Variants in JAZF1 observed in about 807,000 individuals in gnomAD.
The protein encoded by JAZF1 is juxtaposed with another zinc finger protein 1.
A neutral mutation model predicts 26.4 loss-of-function variants in JAZF1; 8 were observed. The observed-to-expected ratio is 0.30, with a 90% CI of 0.18 to 0.55. The LOEUF (loss-of-function observed/expected upper bound fraction) is 0.55, where lower values mean the gene tolerates loss of function less well. Among genes scored for constraint, JAZF1 ranks in the 20% least tolerant of loss-of-function variants. The pLI, the probability that JAZF1 is intolerant of heterozygous loss-of-function variation, is 0.94. For synonymous variants in JAZF1, 126 were observed against 122.3 expected (o/e 1.03, Z -0.20); for missense variants, 199 against 322.0 (o/e 0.62, Z 2.92).
intron 1 of JAZF1, among the ~76,000 whole-genome samples, chr7:28,012,373 T>C (rs1041686380): frequency 1.3e-5 from 2 of 152,124 alleles, no homozygotes; most frequent in African/African-American, 4.8e-5. Context: ...TCTCCCTACC[T>C]GACCTTCTGA....
At chr7:28,016,803 A>AT (rs1782901656) in intron 1 of JAZF1, among the ~76,000 whole-genome samples, 1 of 152,212 alleles carries the variant, frequency 6.6e-6, no homozygotes, top group African/African-American at 2.4e-5. Flanking sequence ...TGTATCATTC[A>AT]TTCTTTCATT....
At chr7:28,156,860 T>C (rs1434044590) in intron 1 of JAZF1, among the ~76,000 whole-genome samples, 1 of 152,240 alleles carries the variant, frequency 6.6e-6, no homozygotes, top group African/African-American at 2.4e-5. Context: ...GAAATCATTC[T>C]TATGAGACAG....
chr7:28,080,344 A>G (rs1784115144), intron 1 of JAZF1, among the ~76,000 whole-genome samples: 3 of 152,240 alleles, frequency 2.0e-5, no homozygotes, highest in Admixed American at 2.0e-4. Context: ...TCCATCCAGA[A>G]CACTCAGACT....
intron 3 of JAZF1, among the ~76,000 whole-genome samples, chr7:27,854,291 C>T (rs896137487): frequency 2.0e-5 from 3 of 152,326 alleles, no homozygotes; most frequent in African/African-American, 7.2e-5. Context: ...CTCCCGAATA[C>T]AGTACACCAA....
chr7:28,003,336 T>C (rs1338630345), intron 1 of JAZF1, among the ~76,000 whole-genome samples: 1 of 152,110 alleles, frequency 6.6e-6, no homozygotes, highest in Non-Finnish European at 1.5e-5. Context: ...TAAACAGGAA[T>C]GGTTAAAGAC....
chr7:27,993,118 G>A (rs1044665880), intron 1 of JAZF1, among the ~76,000 whole-genome samples: 17 of 152,222 alleles, frequency 1.1e-4, no homozygotes, highest in African/African-American at 3.9e-4. Context: ...TATTCGTGGT[G>A]TTAAAATTAA....
At chr7:27,847,150 T>G (rs1349802599) in intron 3 of JAZF1, among the ~76,000 whole-genome samples, 1 of 137,312 alleles carries the variant, frequency 7.3e-6, no homozygotes, top group East Asian at 2.0e-4. Flanking sequence ...TGGCTTTTTT[T>G]CTTTTTTTTT....
chr7:27,847,993 G>A (rs1783059884), intron 3 of JAZF1, among the ~76,000 whole-genome samples: 1 of 152,140 alleles, frequency 6.6e-6, no homozygotes, highest in Admixed American at 6.6e-5. Context: ...AGCAGGAACT[G>A]TGATGCCTCC....
intron 1 of JAZF1, among the ~76,000 whole-genome samples, chr7:28,001,020 G>A (rs757972617): frequency 4.6e-5 from 7 of 152,088 alleles, no homozygotes; most frequent in Non-Finnish European, 8.8e-5. Context: ...TAAGTCAGTA[G>A]GTTCACAATT....
chr7:27,892,075 A>G (rs1257194575), intron 3 of JAZF1, among the ~76,000 whole-genome samples: 2 of 152,226 alleles, frequency 1.3e-5, no homozygotes, highest in East Asian at 3.8e-4. Flanking sequence ...GGAATTTTAT[A>G]ACCTGGCAAT....
intron 1 of JAZF1, among the ~76,000 whole-genome samples, chr7:28,095,330 G>A (rs1486409942): frequency 2.0e-5 from 3 of 152,134 alleles, no homozygotes; most frequent in Non-Finnish European, 4.4e-5. Context: ...CATTATCGGG[G>A]AGGCCTCAGG....
chr7:27,973,990 G>T (rs1444685144), intron 2 of JAZF1, among the ~76,000 whole-genome samples: 1 of 152,164 alleles, frequency 6.6e-6, no homozygotes, highest in Middle Eastern at 3.2e-3. Flanking sequence ...AATACATTTG[G>T]TGCCTGATTA....
intron 3 of JAZF1, among the ~76,000 whole-genome samples, chr7:27,860,304 C>T (rs1285658532): frequency 2.0e-5 from 3 of 152,160 alleles, no homozygotes; most frequent in African/African-American, 7.2e-5. Flanking sequence ...TGTCATTTCA[C>T]TTAAAGTGAA....
chr7:27,953,041 G>T (rs62451151), intron 2 of JAZF1, among the ~76,000 whole-genome samples: 4,282 of 152,328 alleles, frequency 0.028, 84 homozygotes, highest in South Asian at 0.086. Context: ...ATTAGTTACA[G>T]CATTAGCATA....
At chr7:27,933,639 C>A (rs1211803958) in intron 2 of JAZF1, among the ~76,000 whole-genome samples, 1 of 152,106 alleles carries the variant, frequency 6.6e-6, no homozygotes, top group South Asian at 2.1e-4. Context: ...TTCTTTAAGG[C>A]CTTGTTGCTT....
intron 1 of JAZF1, among the ~76,000 whole-genome samples, chr7:28,116,854 C>T (rs1301868834): frequency 6.6e-6 from 1 of 152,022 alleles, no homozygotes; most frequent in South Asian, 2.1e-4. Flanking sequence ...GACAGAGTCT[C>T]GCTCTGTTGC....
intron 1 of JAZF1, among the ~76,000 whole-genome samples, chr7:27,994,358 T>A (rs560199727): frequency 6.6e-6 from 1 of 152,010 alleles, no homozygotes; most frequent in East Asian, 1.9e-4. Flanking sequence ...TCATAACCTA[T>A]TCTAGACTTA....
chr7:28,000,687 C>T (rs2128367600), intron 1 of JAZF1, among the ~76,000 whole-genome samples: 1 of 143,448 alleles, frequency 7.0e-6, no homozygotes, highest in South Asian at 2.2e-4. Context: ...AGTGGGATCT[C>T]AGCTCACTGC....
Position 27,832,715 on chromosome 7 carries a change from TG to T in JAZF1, c.*84del. 1 of 1,145,190 alleles carries T rather than the reference TG, an allele frequency of 8.7e-7. No individual in the cohort carries two copies. The allele number at this position is 1,145,190 out of a possible 1,614,324, so 70.9% of individuals were successfully genotyped here. A position where few individuals can be genotyped will look rare whatever the true frequency, so the allele number is the denominator to read the frequency against. ...TAATTCTTTTTCTTTAAAGGGTTGC[TG>T]AATGCTTCCCCTGAAAAAAGGTGGC... On this transcript the variant is annotated 3_prime_UTR_variant, in exon 5 of 5. Coordinates refer to ENST00000283928, the MANE Select transcript of JAZF1 (RefSeq NM_175061.4).
Sources: gnomAD v4.1 joint callset for allele counts (sites outside exome capture counted in the v4.1 genomes callset) on GRCh38, gnomAD v4.1.1 for gene constraint, MANE v1.5 for transcripts, NCBI Gene and HGNC (gene_info 2026-07-23, HGNC 2026-07-21) for gene names.